Variants in MAP4K3 observed in about 807,000 individuals in gnomAD.
MAP4K3 encodes MAPK/ERK kinase kinase kinase 3.
In MAP4K3, 94 loss-of-function variants were observed where a neutral mutation model predicts 143.5. That is an observed-to-expected ratio of 0.65 (90% confidence interval 0.55 to 0.78). MAP4K3 has a LOEUF of 0.78. MAP4K3 is among the 30% of genes least tolerant of loss of function. The pLI, the probability that MAP4K3 is intolerant of heterozygous loss-of-function variation, is 0.00. For synonymous variants in MAP4K3, 416 were observed against 347.2 expected (o/e 1.20, Z -2.20); for missense variants, 1,077 against 1,068.1 (o/e 1.01, Z -0.12).
In MAP4K3 at chr2:39,408,505, G is replaced by GA. The variant is rs141574979; in HGVS notation, c.96+28386dup. Among the ~76,000 whole-genome samples the GA allele has an allele frequency of 3.3e-4, 50 of 152,112 alleles. 1 individual carries two copies. The East Asian group carries it at 9.5e-3, about 29-fold the overall frequency. ...TCATTGAAGATATATTGCTGTTACA[G>GA]AAAAAACCTTTAAAGCCATCAAGCC... On this transcript the variant is annotated intron_variant, in intron 1 of 33. Transcript: ENST00000263881.
At chr2:39,331,333 T>C (rs1213772531) in intron 8 of MAP4K3, among the ~76,000 whole-genome samples, 1 of 152,064 alleles carries the variant, frequency 6.6e-6, no homozygotes, top group Non-Finnish European at 1.5e-5. Flanking sequence ...TGTAAATAAA[T>C]ATGCGAGTAG....
intron 12 of MAP4K3, among the ~76,000 whole-genome samples, chr2:39,319,646 T>C (rs899857730): frequency 1.3e-5 from 2 of 152,160 alleles, no homozygotes; most frequent in South Asian, 2.1e-4. Flanking sequence ...AAATTCAAAA[T>C]CAAGAGTCTA....
chr2:39,309,375 CT>C (rs950889064), intron 14 of MAP4K3, 85 bp downstream of exon 14: 6 of 946,028 alleles, frequency 6.3e-6, no homozygotes, highest in East Asian at 2.8e-5. Context: ...TAATGACTAG[CT>C]TTTTTGGTCA....
At chr2:39,351,374 C>G (rs962376994) in intron 3 of MAP4K3, among the ~76,000 whole-genome samples, 3 of 152,276 alleles carry the variant, frequency 2.0e-5, no homozygotes, top group East Asian at 3.9e-4. Context: ...CCTACATTGA[C>G]AAAAATCAGA....
intron 4 of MAP4K3, among the ~76,000 whole-genome samples, chr2:39,340,223 GAC>G: frequency 6.6e-6 from 1 of 152,160 alleles, no homozygotes; most frequent in East Asian, 1.9e-4. Context: ...AGAAGAGAGA[GAC>G]ACATAGAAAG....
intron 5 of MAP4K3, 113 bp from the exon 6 acceptor site, chr2:39,337,080 G>C: frequency 1.9e-6 from 1 of 514,758 alleles, no homozygotes; most frequent in Non-Finnish European, 3.5e-6. Context: ...CTTTACAGGA[G>C]ATCTAGTACT....
At chr2:39,273,707 C>T (rs1248999325) in intron 24 of MAP4K3, among the ~76,000 whole-genome samples, 1 of 152,164 alleles carries the variant, frequency 6.6e-6, no homozygotes, top group Non-Finnish European at 1.5e-5. Flanking sequence ...AATGTACTTA[C>T]ATAAAATAAC....
intron 27 of MAP4K3, among the ~76,000 whole-genome samples, chr2:39,265,975 C>G (rs1680746552): frequency 6.6e-6 from 1 of 152,048 alleles, no homozygotes; most frequent in Non-Finnish European, 1.5e-5. Context: ...AAAAGGGGAA[C>G]AGCAGTAAAG....
At chr2:39,299,053 A>T (rs1011509216) in intron 16 of MAP4K3, among the ~76,000 whole-genome samples, 1 of 152,100 alleles carries the variant, frequency 6.6e-6, no homozygotes, top group Non-Finnish European at 1.5e-5. Context: ...TTTAAATTAT[A>T]TTCCCTTATA....
chr2:39,403,562 G>A (rs775407395), intron 1 of MAP4K3, among the ~76,000 whole-genome samples: 72 of 152,248 alleles, frequency 4.7e-4, no homozygotes, highest in Non-Finnish European at 4.1e-4. Context: ...CAGAAGGGAA[G>A]TGCCTGTCCC....
At chr2:39,334,801 T>G (rs184538744) in intron 6 of MAP4K3, among the ~76,000 whole-genome samples, 2 of 152,174 alleles carry the variant, frequency 1.3e-5, no homozygotes, top group Non-Finnish European at 2.9e-5. Flanking sequence ...CCATGGAGTT[T>G]ACATCCAAGT....
At chr2:39,356,006 T>C (rs1425846312) in intron 3 of MAP4K3, among the ~76,000 whole-genome samples, 1 of 152,222 alleles carries the variant, frequency 6.6e-6, no homozygotes, top group African/African-American at 2.4e-5. Context: ...AGACTAACCG[T>C]AAGGTTTTTA....
chr2:39,333,635 T>C (rs1683754462), intron 6 of MAP4K3, 61 bp from the exon 7 acceptor site: 1 of 844,732 alleles, frequency 1.2e-6, no homozygotes, highest in Non-Finnish European at 1.9e-6. Flanking sequence ...ACAGCACATA[T>C]ATAATAAATA....
intron 8 of MAP4K3, among the ~76,000 whole-genome samples, chr2:39,329,751 G>A (rs1289486802): frequency 6.6e-6 from 1 of 152,196 alleles, no homozygotes; most frequent in Non-Finnish European, 1.5e-5. Flanking sequence ...ACATGATTAA[G>A]TAGAAGTACG....
intron 1 of MAP4K3, among the ~76,000 whole-genome samples, chr2:39,379,207 C>G (rs1384493720): frequency 6.6e-6 from 1 of 151,888 alleles, no homozygotes; most frequent in Non-Finnish European, 1.5e-5. Flanking sequence ...TACTAGGGCA[C>G]TAAAAATACC....
chr2:39,400,783 G>A (rs1666933780), intron 1 of MAP4K3, among the ~76,000 whole-genome samples: 1 of 152,046 alleles, frequency 6.6e-6, no homozygotes, highest in South Asian at 2.1e-4. Context: ...GAGTAATACA[G>A]TAATTTTCAG....
intron 1 of MAP4K3, among the ~76,000 whole-genome samples, chr2:39,394,751 G>A (rs1443294532): frequency 2.6e-5 from 4 of 152,128 alleles, no homozygotes; most frequent in Non-Finnish European, 5.9e-5. Context: ...AATAAGATAG[G>A]CAGAATGTGG....
At chr2:39,432,223 T>C (rs1200188711) in intron 1 of MAP4K3, among the ~76,000 whole-genome samples, 1 of 152,234 alleles carries the variant, frequency 6.6e-6, no homozygotes, top group African/African-American at 2.4e-5. Context: ...TCATTCTTAA[T>C]ACAAAATGAT....
intron 22 of MAP4K3, among the ~76,000 whole-genome samples, chr2:39,280,917 A>G (rs1449181860): frequency 6.6e-6 from 1 of 152,196 alleles, no homozygotes; most frequent in Non-Finnish European, 1.5e-5. Context: ...GATTCATTAA[A>G]AAGCTTAACT....
Sources: allele counts gnomAD v4.1 joint callset (sites outside exome capture counted in the v4.1 genomes callset), GRCh38; gene constraint gnomAD v4.1.1; transcripts MANE v1.5; gene names NCBI Gene and HGNC (gene_info 2026-07-23, HGNC 2026-07-21).